The following WDR7 variants were observed in gnomAD, a reference collection of about 807,000 sequenced individuals.
WDR7 encodes the protein WD repeat-containing protein 7.
A neutral mutation model predicts 169.4 loss-of-function variants in WDR7; 46 were observed. The ratio of observed to expected loss-of-function variants is 0.27; its 90% confidence interval spans 0.21 to 0.35. The LOEUF (loss-of-function observed/expected upper bound fraction) is 0.35. Among genes scored for constraint, WDR7 ranks in the 10% least tolerant of loss-of-function variants. The pLI is 1.00. For synonymous variants in WDR7, 612 were observed against 666.8 expected, an observed-to-expected ratio of 0.92 and a Z score of 1.27; for missense variants, 1,534 against 1,859.3, an observed-to-expected ratio of 0.83 and a Z score of 3.22.
At chr18:57,012,321 G>C (rs1454115993) in intron 26 of WDR7, among the ~76,000 whole-genome samples, 1 of 152,170 alleles carries the variant, frequency 6.6e-6, no homozygotes, top group Admixed American at 6.5e-5. Context: ...CGTCCTCACA[G>C]GGATGGCAGG....
chr18:56,722,751 T>A (rs1428329588), intron 13 of WDR7, among the ~76,000 whole-genome samples: 1 of 152,152 alleles, frequency 6.6e-6, no homozygotes, highest in African/African-American at 2.4e-5. Context: ...TACTCCCTCC[T>A]CTCACAACCC....
At chr18:56,771,568 C>A (rs11874405) in intron 16 of WDR7, among the ~76,000 whole-genome samples, 1 of 133,496 alleles carries the variant, frequency 7.5e-6, no homozygotes, top group Admixed American at 7.7e-5. Context: ...CCCTCCCCCA[C>A]CCCCCCCCAA....
chr18:56,792,173 A>G (rs951161797), intron 19 of WDR7, among the ~76,000 whole-genome samples: 5 of 152,098 alleles, frequency 3.3e-5, no homozygotes, highest in Non-Finnish European at 7.4e-5. Flanking sequence ...GCACGCCACC[A>G]TGTCTAGCTA....
intron 19 of WDR7, among the ~76,000 whole-genome samples, 160 bp from the exon 20 acceptor site, chr18:56,815,871 A>T (rs1208269529): frequency 6.6e-6 from 1 of 152,180 alleles, no homozygotes; most frequent in African/African-American, 2.4e-5. Flanking sequence ...GCACACGTGA[A>T]TGTTTTATTC....
chr18:57,004,034 C>T (rs1005360556), intron 26 of WDR7, among the ~76,000 whole-genome samples: 6 of 151,750 alleles, frequency 4.0e-5, no homozygotes, highest in Admixed American at 6.6e-5. Flanking sequence ...TGTGTGTGCG[C>T]GCACACACAC....
At chr18:56,973,118 C>T (rs1261208847) in intron 26 of WDR7, among the ~76,000 whole-genome samples, 1 of 152,216 alleles carries the variant, frequency 6.6e-6, no homozygotes, top group Non-Finnish European at 1.5e-5. Context: ...TCAAGTGATC[C>T]GCCTACCTCA....
chr18:56,856,801 C>T (rs143061489), intron 20 of WDR7, among the ~76,000 whole-genome samples: 53 of 152,210 alleles, frequency 3.5e-4, no homozygotes, highest in African/African-American at 1.2e-3. Flanking sequence ...ATTTTACCGT[C>T]CTCCTGCCTC....
intron 23 of WDR7, 21 bp downstream of exon 23, chr18:56,935,926 T>C: frequency 6.3e-7 from 1 of 1,588,488 alleles, no homozygotes; most frequent in Non-Finnish European, 8.6e-7. Context: ...CTTCTCAGTG[T>C]GCTCCATCTT....
chr18:56,960,375 G>T (rs532474829), intron 25 of WDR7, among the ~76,000 whole-genome samples: 3 of 152,140 alleles, frequency 2.0e-5, no homozygotes, highest in Non-Finnish European at 2.9e-5. Flanking sequence ...GTATTGTTTT[G>T]AAGAGGGTTA....
In WDR7 at chr18:56,833,354, A is replaced by G. The variant is rs77042428; in HGVS notation, c.3304+17210A>G. Among the ~76,000 whole-genome samples, 848 of 152,172 alleles carry G rather than the reference A, an allele frequency of 5.6e-3. 11 individuals carry two copies. The highest frequency in any genetic ancestry group is 0.019 in the African/African-American group (805 of 41,536). The stretch of plus-strand genomic sequence containing the variant: ...TGGGACTATGTGAAAATATGGGACT[A>G]TGGGACTATGGGAGGAATAGCATTA... On this transcript the variant is annotated intron_variant, in intron 20 of 27. Transcript: ENST00000254442.
intron 16 of WDR7, among the ~76,000 whole-genome samples, chr18:56,774,774 A>AT (rs1037694074): frequency 2.0e-5 from 3 of 152,004 alleles, no homozygotes; most frequent in Non-Finnish European, 4.4e-5. Context: ...TGAATGAAGT[A>AT]TTTTTTGGTG....
At chr18:56,798,302 A>G (rs1200882283) in intron 19 of WDR7, among the ~76,000 whole-genome samples, 2 of 152,096 alleles carry the variant, frequency 1.3e-5, no homozygotes, top group African/African-American at 4.8e-5. Flanking sequence ...ATATAACATA[A>G]CTCAGTTCAC....
chr18:56,822,040 C>T (rs1212650233), intron 20 of WDR7, among the ~76,000 whole-genome samples: 2 of 152,018 alleles, frequency 1.3e-5, no homozygotes, highest in Non-Finnish European at 2.9e-5. Context: ...TATCCTCTCT[C>T]CTCAAACTCC....
chr18:56,857,816 G>A (rs879035076), intron 20 of WDR7, among the ~76,000 whole-genome samples: 1 of 152,084 alleles, frequency 6.6e-6, no homozygotes, highest in African/African-American at 2.4e-5. Flanking sequence ...CCAGAGGACC[G>A]CCAGCTAGCA....
At chr18:56,825,340 G>T (rs921616444) in intron 20 of WDR7, among the ~76,000 whole-genome samples, 2 of 152,222 alleles carry the variant, frequency 1.3e-5, no homozygotes, top group African/African-American at 4.8e-5. Flanking sequence ...GCAAACTTAT[G>T]TAAAAGAACA....
chr18:56,981,615 G>C (rs558217773), intron 26 of WDR7, among the ~76,000 whole-genome samples: 3 of 152,288 alleles, frequency 2.0e-5, no homozygotes, highest in Admixed American at 6.5e-5. Context: ...GTCAGAATGT[G>C]GTGGTGCCAT....
intron 14 of WDR7, among the ~76,000 whole-genome samples, chr18:56,753,641 A>G (rs570269886): frequency 1.5e-4 from 21 of 139,182 alleles, no homozygotes; most frequent in African/African-American, 5.5e-4. Context: ...CAAATTGTCA[A>G]TTGTGTATAT....
At chr18:57,009,529 C>A (rs957894388) in intron 26 of WDR7, among the ~76,000 whole-genome samples, 32 of 57,682 alleles carry the variant, frequency 5.5e-4, no homozygotes, top group African/African-American at 1.1e-3. Flanking sequence ...CCAGACTAAT[C>A]TAATTTTTCA....
In WDR7 at chr18:56,830,278, G is replaced by T. The variant is rs115526973; in HGVS notation, c.3304+14134G>T. On this transcript the variant is annotated intron_variant, in intron 20 of 27. Coordinates refer to ENST00000254442, the MANE Select transcript of WDR7 (RefSeq NM_015285.3). ...TAAAATGACATTTATACTCTTATGG[G>T]TTTTCACCATACACGGCACACAATA... Among the ~76,000 whole-genome samples, 1,077 of 152,200 alleles carry T rather than the reference G, an allele frequency of 7.1e-3. 16 individuals carry two copies. Among genetic ancestry groups the T allele is most frequent in the African/African-American group, 0.024 (1,014 of 41,534 alleles).
Sources: allele counts gnomAD v4.1 joint callset (sites outside exome capture counted in the v4.1 genomes callset), GRCh38; gene constraint gnomAD v4.1.1; transcripts MANE v1.5; gene names NCBI Gene and HGNC (gene_info 2026-07-23, HGNC 2026-07-21).